Variants in SUPT20H observed in about 807,000 individuals in gnomAD.
SUPT20H encodes the protein transcription factor SPT20 homolog.
A neutral mutation model predicts 122.8 loss-of-function variants in SUPT20H; 82 were observed. That is an observed-to-expected ratio of 0.67 (90% confidence interval 0.56 to 0.80). The LOEUF (loss-of-function observed/expected upper bound fraction) is 0.80, where lower values mean the gene tolerates loss of function less well. SUPT20H is among the 30% of genes least tolerant of loss of function. The pLI is 0.00. For missense variants in SUPT20H, 831 were observed against 921.6 expected (o/e 0.90, Z 1.27); for synonymous variants, 291 against 313.0 (o/e 0.93, Z 0.74).
chr13:37,057,294 CA>C lies in SUPT20H; in HGVS notation c.-94+2264del, dbSNP rs879863892. ...TGGGTAAAAGAGCAAGACCCTGTCTCAAAAAAAAAAAAGTTAGAAATAAAAA... is the reference window on the plus strand; with the variant it reads ...TGGGTAAAAGAGCAAGACCCTGTCTCAAAAAAAAAAAGTTAGAAATAAAAA... On this transcript the variant is annotated intron_variant, in intron 1 of 25. Transcript: ENST00000350612. 1.6e-3 allele frequency among the ~76,000 whole-genome samples: 222 copies of C among 136,920 alleles called. 2 individuals carry two copies. Among genetic ancestry groups the C allele is most frequent in the African/African-American group, 2.0e-3 (76 of 37,230 alleles). 89.8% of individuals were successfully genotyped at this position (136,920 alleles called of 152,430 possible).
At chr13:37,012,136 C>G in intron 24 of SUPT20H, 56 bp downstream of exon 24, 1 of 1,381,472 alleles carries the variant, frequency 7.2e-7, no homozygotes, top group South Asian at 1.2e-5. Flanking sequence ...GGTGAGATCC[C>G]AAATAGATTA....
Position 37,022,208 on chromosome 13 carries a change from G to A in SUPT20H, c.1592-128C>T. 2 of 1,594,206 alleles carry A rather than the reference G, an allele frequency of 1.3e-6. No homozygotes were observed. The highest frequency in any genetic ancestry group is 1.7e-6 in the Non-Finnish European group (2 of 1,169,428). ...GCTGAGGGGTGAAGCCTGAATCTTGGGGAGTAGGGGTGGCTGAAGGGGTAC... is the reference window on the plus strand; with the variant it reads ...GCTGAGGGGTGAAGCCTGAATCTTGAGGAGTAGGGGTGGCTGAAGGGGTAC... On this transcript the variant is annotated intron_variant, in intron 19 of 25. Coordinates refer to ENST00000350612, the MANE Select transcript of SUPT20H (RefSeq NM_001014286.3). The surrounding 1 kb of genome is among the most constrained non-coding windows in gnomAD (Gnocchi z 4.5).
At chr13:37,049,724 G>C (rs1435456934) in intron 2 of SUPT20H, among the ~76,000 whole-genome samples, 1 of 151,886 alleles carries the variant, frequency 6.6e-6, no homozygotes, top group African/African-American at 2.4e-5. Flanking sequence ...GGGCAAAAAG[G>C]GCAAAACTCC....
intron 16 of SUPT20H, 100 bp from the exon 17 acceptor site, chr13:37,025,537 G>T: frequency 1.4e-6 from 1 of 735,084 alleles, no homozygotes; most frequent in Non-Finnish European, 2.2e-6. Context: ...CAAAAAGAAA[G>T]TTCTATCAAA....
At chr13:37,025,559 T>G in intron 16 of SUPT20H, 122 bp from the exon 17 acceptor site, 1 of 634,608 alleles carries the variant, frequency 1.6e-6, no homozygotes, top group Non-Finnish European at 2.7e-6. Context: ...TTAACATAAA[T>G]ATTAAAAATT....
intron 23 of SUPT20H, among the ~76,000 whole-genome samples, chr13:37,014,721 CATTA>C (rs1241132129): frequency 6.6e-5 from 10 of 152,110 alleles, no homozygotes; most frequent in African/African-American, 1.9e-4. Context: ...AAATGTGTAA[CATTA>C]ATTGTTTATT....
intron 21 of SUPT20H, among the ~76,000 whole-genome samples, chr13:37,020,529 T>G (rs997706294): frequency 6.6e-6 from 1 of 152,178 alleles, no homozygotes; most frequent in Non-Finnish European, 1.5e-5. Flanking sequence ...CACATGTAAC[T>G]GGTACAACTA....
At position 37,040,409 on chromosome 13, in the gene SUPT20H, G is replaced by C. The variant is rs1742597625; in HGVS notation, c.563C>G (p.Thr188Ser). ...TTAAAAAACAAAACAACTAACCTGGGTCCATTTGTGGTTATCACTTGTTAT... is the reference window on the plus strand; with the variant it reads ...TTAAAAAACAAAACAACTAACCTGGCTCCATTTGTGGTTATCACTTGTTAT... ...HSITSDNHKW[T>S]QEDKLLLESQ... The change falls in exon 9 of 26, where the codon ACC (threonine) becomes AGC (serine). Residue 188 changes from threonine to serine, a missense_variant. Transcript: ENST00000350612. 6.4e-7 allele frequency: 1 copy of C among 1,565,404 alleles called. No homozygotes were observed. Among genetic ancestry groups the C allele is most frequent in the African/African-American group, 1.4e-5 (1 of 72,020 alleles).
Position 37,024,502 on chromosome 13 carries a change from GATATTT to G in SUPT20H, c.1330-66_1330-61del, listed in dbSNP as rs2061872797. The G allele has an allele frequency of 2.8e-6, 3 of 1,082,130 alleles. No individual in the cohort carries two copies. In the East Asian group the frequency reaches 8.8e-5, roughly 32 times the overall value. 67.0% of individuals were successfully genotyped at this position (1,082,130 alleles called of 1,614,324 possible). A position where few individuals can be genotyped will look rare whatever the true frequency, so the allele number is the denominator to read the frequency against. On this transcript the variant is annotated intron_variant, in intron 17 of 25. Transcript: ENST00000350612. ...ATTAATACTGCTATAAACCCCAGATGATATTTATATTTAACTTCATAGTTTATTAAA... is the reference window on the plus strand; with the variant it reads ...ATTAATACTGCTATAAACCCCAGATGATATTTAACTTCATAGTTTATTAAA...
chr13:37,013,637 G>A (rs1041505863), intron 23 of SUPT20H: 36 of 151,876 alleles, frequency 2.4e-4, no homozygotes, highest in Admixed American at 2.0e-4. Context: ...CTGTTAACTT[G>A]GACTTCAGCA....
At position 37,024,427 on chromosome 13, in the gene SUPT20H, A is replaced by G. The variant is rs1184720568; in HGVS notation, c.1345T>C (p.Ser449Pro). 2 of 1,563,022 alleles carry G rather than the reference A, an allele frequency of 1.3e-6. No homozygotes were observed. Among genetic ancestry groups the G allele is most frequent in the East Asian group, 2.3e-5 (1 of 43,474 alleles). ...GKETDQTETV[S>P]VQSSVLGKGV... ...TTCCCCAATACCGAAGACTGAACTG[A>G]CACGGTTTCAGTTTGCTAAAAGACA... The change falls in exon 18 of 26, where the codon TCA (serine) becomes CCA (proline). Residue 449 changes from serine (S) to proline (P), a missense_variant. Physicochemically the swap from Ser to Pro is moderately conservative, Grantham distance 74. Coordinates refer to ENST00000350612, the MANE Select transcript of SUPT20H (RefSeq NM_001014286.3).
Position 37,024,406 on chromosome 13 carries a change from C to T in SUPT20H, c.1366G>A (p.Gly456Arg). The change falls in exon 18 of 26, where the codon GGG becomes AGG. Residue 456 changes from glycine to arginine, a missense_variant. Physicochemically the swap from Gly to Arg is moderately radical, Grantham distance 125. Transcript: ENST00000350612. ...GGGGGTCGATGTTTTACACCCTTCCCCAATACCGAAGACTGAACTGACACG... is the reference window on the plus strand; with the variant it reads ...GGGGGTCGATGTTTTACACCCTTCCTCAATACCGAAGACTGAACTGACACG... The part of the protein sequence containing the change: ...ETVSVQSSVL[G>R]KGVKHRPPPI... 1 of 1,585,274 alleles carries T rather than the reference C, an allele frequency of 6.3e-7. No individual in the cohort carries two copies. The highest frequency in any genetic ancestry group is 8.6e-7 in the Non-Finnish European group (1 of 1,169,018).
At chr13:37,021,944 A>G (rs1388180756) in intron 20 of SUPT20H, 67 bp downstream of exon 20, 31 of 1,486,336 alleles carry the variant, frequency 2.1e-5, no homozygotes, top group Non-Finnish European at 2.5e-5. Flanking sequence ...TTCACACATT[A>G]AGAATTTATT....
chr13:37,041,946 C>T (rs1411202035), intron 7 of SUPT20H, among the ~76,000 whole-genome samples: 1 of 152,176 alleles, frequency 6.6e-6, no homozygotes, highest in East Asian at 1.9e-4. Flanking sequence ...ATCTGAATCA[C>T]AAGAAACGGC....
intron 12 of SUPT20H, 23 bp from the exon 13 acceptor site, chr13:37,029,859 A>C (rs2062987127): frequency 6.4e-7 from 1 of 1,553,582 alleles, no homozygotes; most frequent in Non-Finnish European, 8.8e-7. Context: ...ATCAAGAAAT[A>C]CCACATAAAA....
At position 37,009,343 on chromosome 13, in the gene SUPT20H, G is replaced by C; in HGVS notation, c.*329C>G. ...AAACAGATTTGTAAAAATTGTATTT[G>C]TTAACACTGTGCACAAACGTTTTAT... On this transcript the variant is annotated 3_prime_UTR_variant, in exon 26 of 26. Coordinates refer to ENST00000350612, the MANE Select transcript of SUPT20H (RefSeq NM_001014286.3). 9.0e-7 allele frequency: 1 copy of C among 1,108,362 alleles called. No homozygotes were observed. 68.7% of individuals were successfully genotyped at this position (1,108,362 alleles called of 1,614,324 possible). A position where few individuals can be genotyped will look rare whatever the true frequency, so the allele number is the denominator to read the frequency against.
In SUPT20H at chr13:37,017,314, C is replaced by G. The variant is rs781177589; in HGVS notation, c.1923G>C (p.Gln641His). 5 of 1,613,908 alleles carry G rather than the reference C, an allele frequency of 3.1e-6. No homozygotes were observed. The highest frequency in any genetic ancestry group is 2.7e-5 in the African/African-American group (2 of 74,900). Residue 641 changes from glutamine to histidine, a missense_variant, in exon 23 of 26, where the codon CAG (glutamine) becomes CAC (histidine). By Grantham distance (24) the Gln-to-His change is conservative (BLOSUM62 0). Coordinates refer to ENST00000350612, the MANE Select transcript of SUPT20H (RefSeq NM_001014286.3). Reference protein sequence around the residue: ...IFNTLQQQQQQLSQFTPQQPQ... With the variant: ...IFNTLQQQQQHLSQFTPQQPQ... The stretch of plus-strand genomic sequence containing the variant: ...GTTGTTGTGGTGTAAACTGGGAGAG[C>G]TGCTGTTGCTGCTGCTGCAGAGTGT...
chr13:37,036,338 TTC>T (rs1555295593), intron 9 of SUPT20H, among the ~76,000 whole-genome samples: 1 of 151,896 alleles, frequency 6.6e-6, no homozygotes, highest in Non-Finnish European at 1.5e-5. Context: ...TTTTTTTTTT[TTC>T]TTTGAGACGG....
At chr13:37,046,244 C>T (rs17054835) in intron 5 of SUPT20H, among the ~76,000 whole-genome samples, 4,541 of 152,132 alleles carry the variant, frequency 0.03, 203 homozygotes, top group African/African-American at 0.1. Flanking sequence ...CAACTTTTAA[C>T]CACTTTGATG....
Sources: gnomAD v4.1 joint callset for allele counts (sites outside exome capture counted in the v4.1 genomes callset) on GRCh38, gnomAD v4.1.1 for gene constraint, Gnocchi (gnomAD v3.1) non-coding constraint, MANE v1.5 for transcripts, NCBI Gene and HGNC (gene_info 2026-07-23, HGNC 2026-07-21) for gene names.